The following ABCB1 variants were observed in gnomAD, a reference collection of about 807,000 sequenced individuals.
ABCB1 encodes the protein ATP-dependent translocase ABCB1.
A neutral mutation model predicts 142.0 loss-of-function variants in ABCB1; 69 were observed. The observed-to-expected ratio is 0.49, with a 90% CI of 0.40 to 0.59. The LOEUF (loss-of-function observed/expected upper bound fraction) is 0.59. Ranked by LOEUF, ABCB1 falls within the 20% of genes least tolerant of loss-of-function variation. The probability of loss-of-function intolerance (pLI) is 0.00; values close to 1 mark genes in which losing one functional copy is unlikely to be tolerated. For synonymous variants in ABCB1, 532 were observed against 539.2 expected (o/e 0.99, Z 0.18); for missense variants, 1,326 against 1,554.7 (o/e 0.85, Z 2.47).
chr7:87,599,955 AACTTCTGCTCTAAGCAGGGATATT>A (rs1452171736), intron 2 of ABCB1, among the ~76,000 whole-genome samples, 138 bp downstream of exon 2: 1 of 152,210 alleles, frequency 6.6e-6, no homozygotes, highest in African/African-American at 2.4e-5. Context: ...TCAGCCAACA[AACTTCTGCTCTAAGCAGGGATATT>A]GATTCCAAAG....
At chr7:87,663,521 A>G (rs1343317242) in intron 1 of ABCB1, among the ~76,000 whole-genome samples, 1 of 152,040 alleles carries the variant, frequency 6.6e-6, no homozygotes, top group African/African-American at 2.4e-5. Flanking sequence ...TCTCAAGAAA[A>G]CTTCCATTAT....
At position 87,553,753 on chromosome 7, in the gene ABCB1, C is replaced by A. The variant is rs59787582; in HGVS notation, c.999+8G>T. On this transcript the variant is annotated splice_region_variant and intron_variant, in intron 9 of 27. Transcript: ENST00000622132. ...ATAATGGTTCATTTCTCAATGTAAA[C>A]CACTTACAGTGAGTACTTGTCCAAT... The A allele has an allele frequency of 6.2e-7, 1 of 1,612,612 alleles. No individual in the cohort carries two copies. Among genetic ancestry groups the A allele is most frequent in the Non-Finnish European group, 8.5e-7 (1 of 1,178,664 alleles).
chr7:87,544,408 G>A, intron 16 of ABCB1, 133 bp from the exon 17 acceptor site: 2 of 971,768 alleles, frequency 2.1e-6, no homozygotes, highest in Non-Finnish European at 3.0e-6. Flanking sequence ...TGACAATTTT[G>A]CTTTAAAAAA....
chr7:87,606,676 T>C (rs992574512), intron 1 of ABCB1, among the ~76,000 whole-genome samples: 2 of 152,132 alleles, frequency 1.3e-5, no homozygotes, highest in Non-Finnish European at 2.9e-5. Flanking sequence ...ATATTCACTA[T>C]ATCAAGCAAA....
intron 23 of ABCB1, chr7:87,518,834 C>A: frequency 6.3e-6 from 1 of 157,856 alleles, no homozygotes; most frequent in Non-Finnish European, 1.4e-5. Context: ...CAGAAAAATC[C>A]CAATATAACT....
intron 1 of ABCB1, among the ~76,000 whole-genome samples, chr7:87,645,590 T>G (rs1822921503): frequency 6.6e-6 from 1 of 152,234 alleles, no homozygotes; most frequent in Non-Finnish European, 1.5e-5. Flanking sequence ...CAAATTGTCA[T>G]TTCATTATTT....
chr7:87,506,098 G>C, intron 26 of ABCB1, 55 bp from the exon 27 acceptor site: 4 of 1,569,108 alleles, frequency 2.5e-6, no homozygotes, highest in Admixed American at 1.7e-5. Flanking sequence ...AGTTCTAACA[G>C]CTTGCTTATA....
intron 12 of ABCB1, 52 bp from the exon 13 acceptor site, chr7:87,550,106 C>T (rs746399753): frequency 6.2e-7 from 1 of 1,614,032 alleles, no homozygotes; most frequent in Non-Finnish European, 8.5e-7. Flanking sequence ...GAAAGGGCAA[C>T]ATCAGAAAGA....
intron 1 of ABCB1, among the ~76,000 whole-genome samples, chr7:87,608,642 A>AT (rs1193727966): frequency 1.3e-5 from 2 of 152,222 alleles, no homozygotes; most frequent in Non-Finnish European, 2.9e-5. Context: ...TGCAGAGCTT[A>AT]TAAAAACACC....
In ABCB1 at chr7:87,509,350, C is replaced by G. The variant is rs2117067733; in HGVS notation, c.3414G>C (p.Arg1138=). The G allele has an allele frequency of 1.2e-6, 2 of 1,614,098 alleles. No homozygotes were observed. Among genetic ancestry groups the G allele is most frequent in the Non-Finnish European group, 1.7e-6 (2 of 1,179,994 alleles). Residue 1138 remains arginine, a synonymous_variant, in exon 26 of 28, where the codon CGG becomes CGC. Transcript: ENST00000622132. ...AENIAYGDNS[R]VVSQEEIVRA... ...TCACAATCTCTTCCTGTGACACCACCCGGCTGTTGTCTCCATAGGCAATGT... is the reference window on the plus strand; with the variant it reads ...TCACAATCTCTTCCTGTGACACCACGCGGCTGTTGTCTCCATAGGCAATGT...
intron 5 of ABCB1, among the ~76,000 whole-genome samples, chr7:87,569,580 T>TA (rs28381841): frequency 0.025 from 3,771 of 152,092 alleles, 51 homozygotes; most frequent in Non-Finnish European, 0.038. Flanking sequence ...ATGTTGAGTT[T>TA]AAAAAAAATT....
At chr7:87,700,690 G>A (rs1190030040) in intron 1 of ABCB1, 1 of 749,412 alleles carries the variant, frequency 1.3e-6, no homozygotes, top group Non-Finnish European at 2.1e-6. Context: ...GTTCTGTGAT[G>A]TTTCTACATT....
intron 21 of ABCB1, among the ~76,000 whole-genome samples, chr7:87,523,866 G>A (rs1815655362): frequency 1.3e-5 from 2 of 152,084 alleles, no homozygotes; most frequent in African/African-American, 2.4e-5. Context: ...GGTCTCTAAA[G>A]TCCCTTTTAA....
intron 1 of ABCB1, among the ~76,000 whole-genome samples, chr7:87,635,111 T>C (rs899007672): frequency 5.3e-5 from 8 of 152,336 alleles, no homozygotes; most frequent in African/African-American, 1.9e-4. Flanking sequence ...TGAGAGATGA[T>C]ATTCAAGGGG....
intron 1 of ABCB1, among the ~76,000 whole-genome samples, chr7:87,657,131 G>T (rs554435586): frequency 6.6e-6 from 1 of 152,108 alleles, no homozygotes; most frequent in Non-Finnish European, 1.5e-5. Flanking sequence ...AGAAGACTCT[G>T]AAAGGTAGCG....
chr7:87,527,407 G>A (rs1815832009), intron 21 of ABCB1, among the ~76,000 whole-genome samples: 1 of 152,100 alleles, frequency 6.6e-6, no homozygotes, highest in African/African-American at 2.4e-5. Flanking sequence ...TACGAATTTT[G>A]TTTTTGTTTT....
intron 3 of ABCB1, among the ~76,000 whole-genome samples, chr7:87,591,129 T>C (rs1444028800): frequency 6.6e-6 from 1 of 151,996 alleles, no homozygotes; most frequent in Non-Finnish European, 1.5e-5. Flanking sequence ...GGAGGGGGCC[T>C]GGAGTCAGTA....
At position 87,640,188 on chromosome 7, in the gene ABCB1, A is replaced by G. The variant is rs1388710628; in HGVS notation, c.-330-39110T>C. On this transcript the variant is annotated intron_variant, in intron 1 of 28. Coordinates refer to the ABCB1 transcript ENST00000265724. ...CATCCTAAAACATACTTATATATATATGTGTATATATATATATATATTAAA... is the reference window on the plus strand; with the variant it reads ...CATCCTAAAACATACTTATATATATGTGTGTATATATATATATATATTAAA... Among the ~76,000 whole-genome samples, 9 of 147,800 alleles carry G rather than the reference A, an allele frequency of 6.1e-5. No homozygotes were observed. In the South Asian group the frequency reaches 6.3e-4, roughly 10 times the overall value.
At chr7:87,568,509 T>G (rs1357604734) in intron 5 of ABCB1, among the ~76,000 whole-genome samples, 1 of 152,118 alleles carries the variant, frequency 6.6e-6, no homozygotes, top group African/African-American at 2.4e-5. Context: ...TATTCCAATA[T>G]TCCCACTTTT....
Sources: gnomAD v4.1 joint callset for allele counts (sites outside exome capture counted in the v4.1 genomes callset) on GRCh38, gnomAD v4.1.1 for gene constraint, MANE v1.5 for transcripts, NCBI Gene and HGNC (gene_info 2026-07-23, HGNC 2026-07-21) for gene names.